Variants in ZC3H3 observed in about 807,000 individuals in gnomAD.
ZC3H3 encodes zinc finger CCCH domain-containing protein 3.
ZC3H3 carries 36 observed loss-of-function variants against 77.3 expected under a neutral mutation model. The observed-to-expected ratio is 0.47, with a 90% CI of 0.36 to 0.61. The LOEUF (loss-of-function observed/expected upper bound fraction) is 0.61, where lower values mean the gene tolerates loss of function less well. Ranked by LOEUF, ZC3H3 falls within the 20% of genes least tolerant of loss-of-function variation. The probability of loss-of-function intolerance (pLI) is 0.00; values close to 1 mark genes in which losing one functional copy is unlikely to be tolerated. For missense variants in ZC3H3, 1,331 were observed against 1,312.2 expected (o/e 1.01, Z -0.22); for synonymous variants, 626 against 555.2 (o/e 1.13, Z -1.79).
At chr8:143,518,893 G>C (rs1392361209) in intron 3 of ZC3H3, among the ~76,000 whole-genome samples, 1 of 152,222 alleles carries the variant, frequency 6.6e-6, no homozygotes, top group Non-Finnish European at 1.5e-5. Context: ...TGACCGGGGT[G>C]GCACCAGCCC....
At chr8:143,472,984 C>T (rs372047048) in intron 5 of ZC3H3, among the ~76,000 whole-genome samples, 13 of 152,324 alleles carry the variant, frequency 8.5e-5, no homozygotes, top group East Asian at 7.7e-4. Flanking sequence ...CTCCAGCTTC[C>T]GCAGAGCAGG....
chr8:143,446,666 T>TA (rs1819869050), intron 9 of ZC3H3, among the ~76,000 whole-genome samples: 1 of 152,122 alleles, frequency 6.6e-6, no homozygotes, highest in Admixed American at 6.5e-5. Context: ...GGTCAAAAAG[T>TA]AAAAAAAGGT....
chr8:143,509,095 T>C (rs1821797521), intron 3 of ZC3H3, among the ~76,000 whole-genome samples: 1 of 152,008 alleles, frequency 6.6e-6, no homozygotes, highest in Non-Finnish European at 1.5e-5. Context: ...CCCAGCACCA[T>C]CCAAGCTGCA....
intron 4 of ZC3H3, among the ~76,000 whole-genome samples, chr8:143,487,610 G>C (rs372879119): frequency 1.1e-4 from 3 of 28,274 alleles, no homozygotes; most frequent in African/African-American, 1.3e-4. Flanking sequence ...CTCAGACACA[G>C]AACAGCACCC....
At chr8:143,532,315 C>T (rs571591804) in intron 3 of ZC3H3, among the ~76,000 whole-genome samples, 8 of 152,256 alleles carry the variant, frequency 5.3e-5, no homozygotes, top group Non-Finnish European at 1.2e-4. Context: ...GGCTGAAGTG[C>T]GGCGGGGGAG....
chr8:143,443,628 G>A (rs890963627), intron 9 of ZC3H3, among the ~76,000 whole-genome samples: 1 of 152,136 alleles, frequency 6.6e-6, no homozygotes, highest in Non-Finnish European at 1.5e-5. Flanking sequence ...CAGAGGGAAA[G>A]AAAAACAAAA....
intron 4 of ZC3H3, among the ~76,000 whole-genome samples, chr8:143,505,195 C>T (rs930433264): frequency 6.6e-6 from 1 of 152,218 alleles, no homozygotes; most frequent in Non-Finnish European, 1.5e-5. Context: ...CCAAGGAGAG[C>T]TCTGGTCTCA....
At position 143,507,879 on chromosome 8, in the gene ZC3H3, G is replaced by C. The variant is rs116930274; in HGVS notation, c.1582C>G (p.Arg528Gly). 1 of 1,600,650 alleles carries C rather than the reference G, an allele frequency of 6.2e-7. No homozygotes were observed. Among genetic ancestry groups the C allele is most frequent in the Non-Finnish European group, 8.5e-7 (1 of 1,172,396 alleles). ...TKEASSLHAV[R>G]TAPTSKVIKT... Reference sequence around the variant, plus strand: ...ATCACCTTGCTGGTGGGTGCAGTCCGCACGGCATGCAGGCTGGACGCTGTA... The same window carrying C: ...ATCACCTTGCTGGTGGGTGCAGTCCCCACGGCATGCAGGCTGGACGCTGTA... The change falls in exon 4 of 12, where the codon CGG (arginine) becomes GGG (glycine). Residue 528 changes from arginine to glycine, a missense_variant. Physicochemically the swap from Arg to Gly is moderately radical, Grantham distance 125. Around this residue, in one of 3 missense-constraint regions of ZC3H3, gnomAD observed 978 missense variants for 915.5 expected, o/e 1.07. Coordinates refer to ENST00000262577, the MANE Select transcript of ZC3H3 (RefSeq NM_015117.3).
At chr8:143,506,887 C>T (rs1473244400) in intron 4 of ZC3H3, among the ~76,000 whole-genome samples, 1 of 152,220 alleles carries the variant, frequency 6.6e-6, no homozygotes. Context: ...AGCTACGGTC[C>T]GGTGGGTGGC....
At chr8:143,537,307 C>T (rs2130518595) in intron 2 of ZC3H3, among the ~76,000 whole-genome samples, 1 of 152,336 alleles carries the variant, frequency 6.6e-6, no homozygotes, top group South Asian at 2.1e-4. Flanking sequence ...ATCTGCTCGC[C>T]CTGGGACCAA....
chr8:143,451,738 C>T (rs1819992096), intron 9 of ZC3H3, among the ~76,000 whole-genome samples: 1 of 149,360 alleles, frequency 6.7e-6, no homozygotes, highest in African/African-American at 2.5e-5. Context: ...GAGCTGAGAT[C>T]ACACCACTGC....
At chr8:143,502,622 G>A (rs1303114711) in intron 4 of ZC3H3, among the ~76,000 whole-genome samples, 1 of 152,178 alleles carries the variant, frequency 6.6e-6, no homozygotes, top group Non-Finnish European at 1.5e-5. Flanking sequence ...AGCAGCTTCT[G>A]TTTATTTCGC....
intron 3 of ZC3H3, among the ~76,000 whole-genome samples, chr8:143,535,141 C>A (rs1737684786): frequency 1.3e-5 from 2 of 152,096 alleles, no homozygotes; most frequent in African/African-American, 2.4e-5. Flanking sequence ...CAGGCTCAAG[C>A]AATTCTCCTC....
At chr8:143,467,630 C>T (rs1426158352) in intron 8 of ZC3H3, among the ~76,000 whole-genome samples, 1 of 152,216 alleles carries the variant, frequency 6.6e-6, no homozygotes, top group Non-Finnish European at 1.5e-5. Flanking sequence ...ACAGGAGCTA[C>T]ACATGTCCCC....
At chr8:143,498,491 C>A (rs1213403231) in intron 4 of ZC3H3, among the ~76,000 whole-genome samples, 1 of 152,112 alleles carries the variant, frequency 6.6e-6, no homozygotes, top group African/African-American at 2.4e-5. Flanking sequence ...GAGGAAGGGC[C>A]GTGGAGGCTG....
At chr8:143,457,334 T>C (rs931497842) in intron 9 of ZC3H3, among the ~76,000 whole-genome samples, 3 of 152,160 alleles carry the variant, frequency 2.0e-5, no homozygotes, top group East Asian at 1.9e-4. Flanking sequence ...GAATAATCCA[T>C]AGGCAATACT....
At chr8:143,488,135 A>G (rs61388372) in intron 4 of ZC3H3, among the ~76,000 whole-genome samples, 6 of 2,188 alleles carry the variant, frequency 2.7e-3, no homozygotes, top group Admixed American at 7.6e-3. Context: ...CCGCTCCACG[A>G]CCCCATCACC....
intron 3 of ZC3H3, among the ~76,000 whole-genome samples, chr8:143,527,433 G>T (rs949285219): frequency 1.3e-5 from 2 of 152,262 alleles, no homozygotes; most frequent in East Asian, 3.9e-4. Context: ...GCGCAGCCCA[G>T]GTCTTCAGCT....
In ZC3H3 at chr8:143,468,387, G is replaced by A. The variant is rs1315374062; in HGVS notation, c.2100C>T (p.Cys700=). 6.2e-7 allele frequency: 1 copy of A among 1,612,702 alleles called. No individual in the cohort carries two copies. Among genetic ancestry groups the A allele is most frequent in the South Asian group, 1.1e-5 (1 of 90,992 alleles). The change falls in exon 7 of 12, where the codon TGC becomes TGT. Residue 700 remains cysteine (C), a synonymous_variant. Coordinates refer to ENST00000262577, the MANE Select transcript of ZC3H3 (RefSeq NM_015117.3). ...CAGCGAGGGCAGGAGGGCACCTGGTGCACACGGCCACCTTCTCGGGATCGT... is the reference window on the plus strand; with the variant it reads ...CAGCGAGGGCAGGAGGGCACCTGGTACACACGGCCACCTTCTCGGGATCGT... ...YIHDPEKVAV[C]TRFVRGTCKK... is the part of the protein sequence containing the mutation.
Sources: gnomAD v4.1 joint callset for allele counts (sites outside exome capture counted in the v4.1 genomes callset) on GRCh38, gnomAD v4.1.1 for gene constraint, gnomAD v4.1.1 regional missense constraint, MANE v1.5 for transcripts, NCBI Gene and HGNC (gene_info 2026-07-23, HGNC 2026-07-21) for gene names.